UBE2U: variants seen among roughly 807,000 people sequenced by gnomAD.
UBE2U encodes ubiquitin-conjugating enzyme E2 U.
A neutral mutation model predicts 41.2 loss-of-function variants in UBE2U; 39 were observed. That is an observed-to-expected ratio of 0.95 (90% CI 0.73 to 1.24). UBE2U has a LOEUF of 1.24. Among genes scored for constraint, UBE2U ranks in the 50% most tolerant of loss-of-function variants. The pLI is 0.00. For missense variants in UBE2U, 336 were observed against 363.1 expected, an observed-to-expected ratio of 0.93 and a Z score of 0.61; for synonymous variants, 107 against 117.8, an observed-to-expected ratio of 0.91 and a Z score of 0.60.
Position 64,266,894 on chromosome 1 carries a change from T to C in UBE2U, c.770-130T>C. 2.6e-6 allele frequency: 2 copies of C among 755,186 alleles called. 1 individual carries two copies. Among genetic ancestry groups the C allele is most frequent in the South Asian group, 4.1e-5 (2 of 48,966 alleles). The allele number at this position is 755,186 out of a possible 1,614,324, so 46.8% of individuals were successfully genotyped here. The stretch of plus-strand genomic sequence containing the variant: ...CTTACAAAACATGAAGTTTAGAAAG[T>C]GTATAAAAGGTTGCTCACATTCATT... On this transcript the variant is annotated intron_variant, in intron 9 of 9. Transcript: ENST00000371077.
Position 64,239,138 on chromosome 1 carries a change from G to GAA in UBE2U, c.596-2513_596-2512dup, listed in dbSNP as rs1456152455. ...AGAAGAAGAAGAAGAAGAAGAAGAA[G>GAA]AAGAAGAAGAAGAAGAAGAAAGAAG... is the stretch of plus-strand genomic sequence containing the variant. On this transcript the variant is annotated intron_variant, in intron 7 of 9. Transcript: ENST00000371077. Among the ~76,000 whole-genome samples, 133 of 29,748 alleles carry GAA rather than the reference G, an allele frequency of 4.5e-3. 2 individuals are homozygous for GAA. Among genetic ancestry groups the GAA allele is most frequent in the East Asian group, 0.024 (15 of 620 alleles). The allele number at this position is 29,748 out of a possible 152,430, so 19.5% of individuals were successfully genotyped here. A position where few individuals can be genotyped will look rare whatever the true frequency, so the allele number is the denominator to read the frequency against.
intron 3 of UBE2U, among the ~76,000 whole-genome samples, chr1:64,210,415 A>C (rs1246662088): frequency 2.0e-5 from 3 of 152,230 alleles, no homozygotes; most frequent in Admixed American, 2.0e-4. Flanking sequence ...AAGGGGGAAG[A>C]AAAGAAGGAA....
At chr1:64,262,135 T>C (rs1645188401) in intron 9 of UBE2U, among the ~76,000 whole-genome samples, 1 of 152,212 alleles carries the variant, frequency 6.6e-6, no homozygotes, top group South Asian at 2.1e-4. Flanking sequence ...ACCCCTACTC[T>C]AAATGCTCTT....
chr1:64,260,272 T>G (rs1296841162), intron 8 of UBE2U, among the ~76,000 whole-genome samples: 2 of 152,196 alleles, frequency 1.3e-5, no homozygotes, highest in Non-Finnish European at 2.9e-5. Context: ...ACCAAGTTTG[T>G]GGTCATTTGT....
At chr1:64,214,411 A>G (rs1258900411) in intron 4 of UBE2U, among the ~76,000 whole-genome samples, 1 of 152,240 alleles carries the variant, frequency 6.6e-6, no homozygotes, top group African/African-American at 2.4e-5. Context: ...TTGATAACAA[A>G]TTAGATACAT....
chr1:64,242,079 CA>C (rs1347456106), intron 8 of UBE2U, among the ~76,000 whole-genome samples: 17 of 151,690 alleles, frequency 1.1e-4, no homozygotes, highest in Admixed American at 1.1e-3. Context: ...AAAAGAAAAG[CA>C]AAAAACTATA....
At chr1:64,239,090 G>GAAGAAGA (rs1557729590) in intron 7 of UBE2U, among the ~76,000 whole-genome samples, 6 of 48,118 alleles carry the variant, frequency 1.2e-4, no homozygotes, top group African/African-American at 3.3e-4. Context: ...GGAAGAGGAA[G>GAAGAAGA]AGGAAGAAGA....
chr1:64,232,726 A>G (rs1644593460), intron 7 of UBE2U, 77 bp downstream of exon 7: 2 of 1,176,546 alleles, frequency 1.7e-6, no homozygotes, highest in Non-Finnish European at 2.5e-6. Flanking sequence ...TTCAAAGACT[A>G]ATTGACACAC....
Position 64,239,168 on chromosome 1 carries a change from A to AGAG in UBE2U, c.596-2482_596-2481insGGA, listed in dbSNP as rs1557731234. 4.0e-4 allele frequency among the ~76,000 whole-genome samples: 29 copies of AGAG among 72,312 alleles called. 1 individual carries two copies. Among genetic ancestry groups the AGAG allele is most frequent in the Admixed American group, 8.3e-4 (6 of 7,222 alleles). 47.4% of individuals were successfully genotyped at this position (72,312 alleles called of 152,430 possible). On this transcript the variant is annotated intron_variant, in intron 7 of 9. Coordinates refer to ENST00000371077, the MANE Select transcript of UBE2U (RefSeq NM_001366232.2). ...AGAAGAAGAAGAAGAAAGAAGAAGAAGAAGAAGAAGAAGAAGAAGAAGAAA... is the reference window on the plus strand; with the variant it reads ...AGAAGAAGAAGAAGAAAGAAGAAGAAGAGGAAGAAGAAGAAGAAGAAGAAGAAA...
chr1:64,248,798 G>T (rs996316702), intron 8 of UBE2U, among the ~76,000 whole-genome samples: 2 of 152,076 alleles, frequency 1.3e-5, no homozygotes, highest in African/African-American at 4.8e-5. Flanking sequence ...AGTCATATTT[G>T]CCCTGAGGAA....
Position 64,241,647 on chromosome 1 carries a change from T to C in UBE2U, c.596-5T>C, listed in dbSNP as rs1046069018. ...TAGCTTCTTTTTTTAATATTCTAAT[T>C]TCAGTGCTCAAAGTTCCAAATTTCA... On this transcript the variant is annotated splice_region_variant and splice_polypyrimidine_tract_variant and intron_variant, in intron 7 of 9. Transcript: ENST00000371077. The C allele has an allele frequency of 2.5e-6, 4 of 1,593,926 alleles. No homozygotes were observed. In the South Asian group the frequency reaches 3.4e-5, roughly 14 times the overall value.
intron 1 of UBE2U, among the ~76,000 whole-genome samples, chr1:64,204,445 G>A (rs780626248): frequency 6.6e-6 from 1 of 152,134 alleles, no homozygotes; most frequent in Non-Finnish European, 1.5e-5. Flanking sequence ...ACAATAAGTA[G>A]TATTTCATTT....
intron 6 of UBE2U, among the ~76,000 whole-genome samples, chr1:64,230,644 G>A (rs1341241562): frequency 1.3e-5 from 2 of 151,298 alleles, no homozygotes; most frequent in African/African-American, 4.9e-5. Flanking sequence ...CCTGACGACT[G>A]AAAAAAAATT....
rs369100776 is a variant in UBE2U, at chr1:64,232,647, C to T, written c.593C>T (p.Pro198Leu). The T allele has an allele frequency of 1.1e-5, 17 of 1,609,448 alleles. No individual in the cohort carries two copies. The African/African-American group carries it at 2.0e-4, about 19-fold the overall frequency. Residue 198 changes from proline (P) to leucine (L), a missense_variant and splice_region_variant, in exon 7 of 10, where the codon CCA (proline) becomes CTA (leucine). By Grantham distance (98) the Pro-to-Leu change is moderately conservative (BLOSUM62 -3). Coordinates refer to ENST00000371077, the MANE Select transcript of UBE2U (RefSeq NM_001366232.2). Reference protein sequence around the residue: ...TSKATEYYRTPLLKVPNFIGQ... With the variant: ...TSKATEYYRTLLLKVPNFIGQ... The stretch of plus-strand genomic sequence containing the variant: ...AAAGCCACAGAATACTACAGAACTC[C>T]ATGTAAGGTGAACTATCCTTATCCT...
chr1:64,210,921 A>T, intron 4 of UBE2U, 82 bp downstream of exon 4: 8 of 904,388 alleles, frequency 8.8e-6, no homozygotes, highest in Non-Finnish European at 1.3e-5. Flanking sequence ...AAAATATACA[A>T]TGCATATTTA....
chr1:64,206,410 G>A (rs1221661235), intron 2 of UBE2U, among the ~76,000 whole-genome samples: 1 of 151,792 alleles, frequency 6.6e-6, no homozygotes, highest in Admixed American at 6.6e-5. Flanking sequence ...GAAGGATAAG[G>A]AAATTCGGGC....
At chr1:64,237,402 G>A (rs183278677) in intron 7 of UBE2U, among the ~76,000 whole-genome samples, 74 of 151,800 alleles carry the variant, frequency 4.9e-4, no homozygotes, top group Non-Finnish European at 8.4e-4. Flanking sequence ...ATGCAATAGA[G>A]GATGCTTTCC....
At chr1:64,225,563 G>C (rs1652808949) in intron 6 of UBE2U, among the ~76,000 whole-genome samples, 1 of 152,252 alleles carries the variant, frequency 6.6e-6, no homozygotes, top group Admixed American at 6.5e-5. Flanking sequence ...GCAATAGTTT[G>C]TGAAGGATCT....
At chr1:64,250,899 A>T (rs1195241402) in intron 8 of UBE2U, among the ~76,000 whole-genome samples, 1 of 124,772 alleles carries the variant, frequency 8.0e-6, no homozygotes, top group Non-Finnish European at 1.6e-5. Flanking sequence ...AACATCACAC[A>T]CCAAGGCCTG....
Sources: allele counts gnomAD v4.1 joint callset (sites outside exome capture counted in the v4.1 genomes callset), GRCh38; gene constraint gnomAD v4.1.1; transcripts MANE v1.5; gene names NCBI Gene and HGNC (gene_info 2026-07-23, HGNC 2026-07-21).